FRMD3: variants seen among roughly 807,000 people sequenced by gnomAD.
FRMD3 encodes FERM domain-containing protein 3.
In FRMD3, 33 loss-of-function variants were observed where a neutral mutation model predicts 70.2. The observed-to-expected ratio is 0.47, with a 90% CI of 0.36 to 0.63. The LOEUF is 0.63. Ranked by LOEUF, FRMD3 falls within the 20% of genes least tolerant of loss-of-function variation. The probability of loss-of-function intolerance (pLI) is 0.00; values close to 1 mark genes in which losing one functional copy is unlikely to be tolerated. For synonymous variants in FRMD3, 279 were observed against 255.9 expected, an observed-to-expected ratio of 1.09 and a Z score of -0.86; for missense variants, 632 against 711.4, an observed-to-expected ratio of 0.89 and a Z score of 1.27.
chr9:83,439,026 T>G (rs977507050), intron 1 of FRMD3, among the ~76,000 whole-genome samples: 7 of 152,162 alleles, frequency 4.6e-5, no homozygotes, highest in African/African-American at 1.7e-4. Flanking sequence ...TGAAGTTCCT[T>G]TAAAAAGGCA....
chr9:83,442,453 T>G (rs572725501), intron 1 of FRMD3, among the ~76,000 whole-genome samples: 18 of 152,110 alleles, frequency 1.2e-4, no homozygotes, highest in Non-Finnish European at 2.6e-4. Flanking sequence ...AGACGGGGTT[T>G]CACCATGTTG....
chr9:83,367,026 C>G (rs1324694512), intron 3 of FRMD3, among the ~76,000 whole-genome samples: 1 of 151,716 alleles, frequency 6.6e-6, no homozygotes, highest in Non-Finnish European at 1.5e-5. Flanking sequence ...GAATGAAGCT[C>G]TGTCTCAAAA....
At chr9:83,309,744 G>A (rs1247801091) in intron 9 of FRMD3, 120 bp from the exon 10 acceptor site, 1 of 594,322 alleles carries the variant, frequency 1.7e-6, no homozygotes, top group Non-Finnish European at 3.0e-6. Flanking sequence ...CAGACTTGAA[G>A]TAACTTAACA....
intron 1 of FRMD3, among the ~76,000 whole-genome samples, chr9:83,469,557 T>C (rs1828216089): frequency 6.6e-6 from 1 of 152,172 alleles, no homozygotes; most frequent in Non-Finnish European, 1.5e-5. Context: ...ATCACTCACT[T>C]GTGGAGGAGA....
chr9:83,276,851 A>AGGT (rs1257777995), intron 13 of FRMD3, among the ~76,000 whole-genome samples: 1 of 152,216 alleles, frequency 6.6e-6, no homozygotes, highest in African/African-American at 2.4e-5. Context: ...CTGGGATTAC[A>AGGT]GGTGCCCACC....
chr9:83,507,738 A>ATC (rs1829235136), intron 1 of FRMD3, among the ~76,000 whole-genome samples: 3 of 112,446 alleles, frequency 2.7e-5, no homozygotes, highest in Non-Finnish European at 3.7e-5. Context: ...ATATATATAT[A>ATC]TCTTCTGGAA....
intron 1 of FRMD3, among the ~76,000 whole-genome samples, chr9:83,482,269 G>A (rs143651917): frequency 3.9e-5 from 6 of 152,216 alleles, no homozygotes; most frequent in African/African-American, 7.2e-5. Context: ...AGATGATTTC[G>A]ACAAAAAACT....
chr9:83,429,372 A>G (rs1826904657), intron 1 of FRMD3, among the ~76,000 whole-genome samples: 1 of 152,106 alleles, frequency 6.6e-6, no homozygotes, highest in Non-Finnish European at 1.5e-5. Flanking sequence ...AGCCCTATCA[A>G]TTATTAATCC....
chr9:83,574,296 A>T, the FRMD3 span, among the ~76,000 whole-genome samples: 16 of 152,336 alleles, frequency 1.1e-4, no homozygotes, highest in South Asian at 3.3e-3. Flanking sequence ...AATGTAACCA[A>T]CTTCTACCCT....
the FRMD3 span, among the ~76,000 whole-genome samples, chr9:83,581,053 ATGTT>A: frequency 1.3e-5 from 2 of 152,126 alleles, no homozygotes; most frequent in Admixed American, 1.3e-4. Context: ...ATATTGTCTC[ATGTT>A]TGTTTGAAAA....
intron 9 of FRMD3, among the ~76,000 whole-genome samples, chr9:83,310,120 T>A (rs1835294461): frequency 6.6e-6 from 1 of 152,240 alleles, no homozygotes. Flanking sequence ...GCTCTGTTTA[T>A]AACACTCTAA....
At chr9:83,347,652 C>A (rs1020034378) in intron 4 of FRMD3, among the ~76,000 whole-genome samples, 1 of 152,186 alleles carries the variant, frequency 6.6e-6, no homozygotes, top group East Asian at 1.9e-4. Flanking sequence ...CTTAACATTT[C>A]TTTACTCTTA....
intron 6 of FRMD3, chr9:83,331,904 T>A (rs1017908658): frequency 2.8e-6 from 2 of 717,270 alleles, no homozygotes; most frequent in African/African-American, 3.5e-5. Flanking sequence ...GATCTTGGGA[T>A]GAGTCCTGAT....
chr9:83,564,284 T>G, the FRMD3 span, among the ~76,000 whole-genome samples: 1 of 152,148 alleles, frequency 6.6e-6, no homozygotes, highest in African/African-American at 2.4e-5. Flanking sequence ...CTATCTCCAC[T>G]TACTGCCTAA....
At chr9:83,292,115 A>G (rs1040615432) in intron 12 of FRMD3, among the ~76,000 whole-genome samples, 6 of 151,882 alleles carry the variant, frequency 4.0e-5, no homozygotes, top group African/African-American at 1.2e-4. Flanking sequence ...ACTGTCTAGA[A>G]CCATAATTTT....
At chr9:83,584,824 G>A in the FRMD3 span, among the ~76,000 whole-genome samples, 1 of 152,152 alleles carries the variant, frequency 6.6e-6, no homozygotes, top group Non-Finnish European at 1.5e-5. Context: ...ACAGCTGTCT[G>A]ATCCGTGAAA....
intron 1 of FRMD3, among the ~76,000 whole-genome samples, chr9:83,503,019 T>C (rs148120942): frequency 1.3e-5 from 2 of 152,174 alleles, no homozygotes; most frequent in African/African-American, 4.8e-5. Flanking sequence ...TACTACAGTG[T>C]AATTAGCAGT....
intron 13 of FRMD3, among the ~76,000 whole-genome samples, chr9:83,288,073 A>C (rs765061933): frequency 1.4e-4 from 22 of 152,242 alleles, no homozygotes; most frequent in Non-Finnish European, 3.1e-4. Flanking sequence ...ACATTAAAAT[A>C]TAGAGATGAA....
the FRMD3 span, among the ~76,000 whole-genome samples, chr9:83,583,542 C>T: frequency 6.6e-6 from 1 of 152,202 alleles, no homozygotes; most frequent in Admixed American, 6.5e-5. Context: ...AGACACACTT[C>T]AATTTACATC....
Sources: allele counts gnomAD v4.1 joint callset (sites outside exome capture counted in the v4.1 genomes callset), GRCh38; gene constraint gnomAD v4.1.1; transcripts MANE v1.5; gene names NCBI Gene and HGNC (gene_info 2026-07-23, HGNC 2026-07-21).